The following ELAPOR2 variants were observed in gnomAD, a reference collection of about 807,000 sequenced individuals.
ELAPOR2 encodes the protein endosome/lysosome-associated apoptosis and autophagy regulator family member 2.
ELAPOR2 carries 89 observed loss-of-function variants against 120.7 expected under a neutral mutation model. That is an observed-to-expected ratio of 0.74 (90% CI 0.62 to 0.88). ELAPOR2 has a LOEUF of 0.88. Ranked by LOEUF, ELAPOR2 falls within the 40% of genes least tolerant of loss-of-function variation. The pLI, the probability that ELAPOR2 is intolerant of heterozygous loss-of-function variation, is 0.00. For synonymous variants in ELAPOR2, 444 were observed against 444.9 expected, an observed-to-expected ratio of 1.00 and a Z score of 0.03; for missense variants, 1,134 against 1,251.6, an observed-to-expected ratio of 0.91 and a Z score of 1.42.
At chr7:86,913,297 A>C in intron 13 of ELAPOR2, 93 bp from the exon 14 acceptor site, 1 of 1,235,662 alleles carries the variant, frequency 8.1e-7, no homozygotes, top group Non-Finnish European at 1.2e-6. Context: ...AAATAACTAA[A>C]TAGAGTGTTC....
chr7:86,917,821 AAAAC>A (rs2116150192), intron 12 of ELAPOR2, among the ~76,000 whole-genome samples: 1 of 152,284 alleles, frequency 6.6e-6, no homozygotes, highest in East Asian at 1.9e-4. Flanking sequence ...AAAAAACACA[AAAAC>A]AAAGCAGGTC....
chr7:86,930,656 T>G (rs1350067230), intron 8 of ELAPOR2, among the ~76,000 whole-genome samples: 1 of 151,988 alleles, frequency 6.6e-6, no homozygotes, highest in African/African-American at 2.4e-5. Flanking sequence ...AGAAGTTGTA[T>G]AGCCTAATGC....
At chr7:87,027,664 G>A (rs1463953433) in intron 1 of ELAPOR2, among the ~76,000 whole-genome samples, 1 of 152,188 alleles carries the variant, frequency 6.6e-6, no homozygotes, top group Non-Finnish European at 1.5e-5. Flanking sequence ...GGATGGATGT[G>A]AAGAGACACA....
At chr7:86,927,042 A>C in intron 8 of ELAPOR2, 126 bp from the exon 9 acceptor site, 1 of 794,628 alleles carries the variant, frequency 1.3e-6, no homozygotes, top group Middle Eastern at 4.0e-4. Flanking sequence ...GACAGAATCT[A>C]AAACATCAGT....
intron 1 of ELAPOR2, among the ~76,000 whole-genome samples, chr7:86,988,915 T>C (rs1055102262): frequency 6.6e-6 from 1 of 152,130 alleles, no homozygotes; most frequent in Non-Finnish European, 1.5e-5. Flanking sequence ...AATAAATTTA[T>C]CTCAAAGTTT....
intron 15 of ELAPOR2, 75 bp downstream of exon 15, chr7:86,911,997 T>A: frequency 1.4e-6 from 2 of 1,390,074 alleles, no homozygotes; most frequent in Non-Finnish European, 1.0e-6. Context: ...AATTTATTGG[T>A]CCATTAACAC....
At chr7:86,907,868 T>A in intron 17 of ELAPOR2, 97 bp from the exon 18 acceptor site, 1 of 585,118 alleles carries the variant, frequency 1.7e-6, no homozygotes, top group Middle Eastern at 3.0e-4. Flanking sequence ...CATGAACAAA[T>A]GAAAAAGAAA....
At chr7:86,882,636 CT>C (rs1799466363) in intron 21 of ELAPOR2, among the ~76,000 whole-genome samples, 2 of 152,088 alleles carry the variant, frequency 1.3e-5, no homozygotes, top group Admixed American at 1.3e-4. Flanking sequence ...AACTCTATAT[CT>C]CATTCATTGT....
chr7:86,897,808 C>A (rs1030205324), intron 18 of ELAPOR2, among the ~76,000 whole-genome samples, 176 bp from the exon 19 acceptor site: 2 of 152,028 alleles, frequency 1.3e-5, no homozygotes, highest in African/African-American at 2.4e-5. Flanking sequence ...ACAGTTTGTA[C>A]CTAGTAGGAT....
chr7:86,919,354 A>C (rs144395150), intron 10 of ELAPOR2, 44 bp from the exon 11 acceptor site: 1 of 1,177,892 alleles, frequency 8.5e-7, no homozygotes, highest in South Asian at 1.4e-5. Flanking sequence ...AATTCCATTA[A>C]TGATCTCCAA....
intron 18 of ELAPOR2, among the ~76,000 whole-genome samples, chr7:86,900,385 A>G (rs759479999): frequency 5.3e-5 from 8 of 152,204 alleles, no homozygotes; most frequent in Non-Finnish European, 1.0e-4. Context: ...GTCAAAATCA[A>G]ACGTCTGCTA....
At chr7:86,892,669 C>CCT (rs1381454603) in intron 20 of ELAPOR2, among the ~76,000 whole-genome samples, 1 of 151,984 alleles carries the variant, frequency 6.6e-6, no homozygotes, top group Non-Finnish European at 1.5e-5. Flanking sequence ...TAACATGGAG[C>CCT]CTCTTGTTTT....
Position 86,917,174 on chromosome 7 carries a change from C to CT in ELAPOR2, c.1593+1267dup, listed in dbSNP as rs200333552. Among the ~76,000 whole-genome samples the CT allele has an allele frequency of 1.7e-3, 263 of 151,952 alleles. 8 individuals carry two copies. In the East Asian group the frequency reaches 0.033, roughly 19 times the overall value. On this transcript the variant is annotated intron_variant, in intron 12 of 21. Transcript: ENST00000450689. ...GTGACTCACACCTGTAATCCCAGCA[C>CT]TTTGGGAGGCCAAAATGGGCAGATG...
At chr7:87,050,234 T>G (rs1795061317) in intron 1 of ELAPOR2, among the ~76,000 whole-genome samples, 1 of 152,184 alleles carries the variant, frequency 6.6e-6, no homozygotes, top group Admixed American at 6.5e-5. Context: ...TTGATATAGT[T>G]TGGATATTTG....
At chr7:87,054,131 A>G (rs1156609557) in intron 1 of ELAPOR2, among the ~76,000 whole-genome samples, 2 of 152,216 alleles carry the variant, frequency 1.3e-5, no homozygotes, top group African/African-American at 4.8e-5. Flanking sequence ...AACACACATG[A>G]TGAAAGGCAA....
intron 1 of ELAPOR2, among the ~76,000 whole-genome samples, chr7:87,008,002 C>T (rs10242932): frequency 0.38 from 57,494 of 151,878 alleles, 11,720 homozygotes; most frequent in African/African-American, 0.53. Context: ...TAATGAGGAC[C>T]GGGATATTTA....
chr7:86,954,766 T>C (rs1791403093), intron 2 of ELAPOR2, among the ~76,000 whole-genome samples: 1 of 152,090 alleles, frequency 6.6e-6, no homozygotes, highest in South Asian at 2.1e-4. Context: ...TGGGGAAATA[T>C]AAAGTAAATC....
intron 1 of ELAPOR2, among the ~76,000 whole-genome samples, chr7:86,973,388 G>T (rs1276279258): frequency 1.3e-5 from 2 of 151,988 alleles, no homozygotes; most frequent in Non-Finnish European, 2.9e-5. Flanking sequence ...CTTTTTCTCT[G>T]CCCGGAAGGC....
intron 8 of ELAPOR2, among the ~76,000 whole-genome samples, chr7:86,937,679 A>C (rs963442772): frequency 1.1e-4 from 17 of 152,112 alleles, no homozygotes; most frequent in Non-Finnish European, 1.5e-5. Flanking sequence ...AATTAAAGAG[A>C]AGTTATAAGA....
Sources: allele counts gnomAD v4.1 joint callset (sites outside exome capture counted in the v4.1 genomes callset), GRCh38; gene constraint gnomAD v4.1.1; transcripts MANE v1.5; gene names NCBI Gene and HGNC (gene_info 2026-07-23, HGNC 2026-07-21).